DCAF5: variants seen among roughly 807,000 people sequenced by gnomAD.
DCAF5 encodes the protein DDB1 and CUL4 associated factor 5.
A neutral mutation model predicts 80.7 loss-of-function variants in DCAF5; 9 were observed. The ratio of observed to expected loss-of-function variants is 0.11; its 90% confidence interval spans 0.07 to 0.19. The LOEUF is 0.19. Ranked by LOEUF, DCAF5 falls within the 10% of genes least tolerant of loss-of-function variation. The pLI is 1.00. For missense variants in DCAF5, 842 were observed against 1,205.7 expected (o/e 0.70, Z 4.47); for synonymous variants, 433 against 461.9 (o/e 0.94, Z 0.80).
chr14:69,084,774 C>A, intron 6 of DCAF5: 1 of 1,118,444 alleles, frequency 8.9e-7, no homozygotes, highest in South Asian at 1.3e-5. Context: ...AAGCATACGA[C>A]CACATTCTTC....
At position 69,088,665 on chromosome 14, in the gene DCAF5, G is replaced by A. The variant is rs562643533; in HGVS notation, c.879+3009C>T. ...TCTCATCCATGTTCATTCCTATTAC[G>A]GAAATTCTCAGATTCCTGTCTGGGA... On this transcript the variant is annotated intron_variant, in intron 6 of 8. Transcript: ENST00000341516. 3.9e-5 allele frequency among the ~76,000 whole-genome samples: 6 copies of A among 152,202 alleles called. No individual in the cohort carries two copies. The South Asian group carries it at 1.0e-3, about 26-fold the overall frequency.
At chr14:69,116,748 G>C (rs570427746) in intron 4 of DCAF5, among the ~76,000 whole-genome samples, 20 of 152,188 alleles carry the variant, frequency 1.3e-4, no homozygotes, top group African/African-American at 4.6e-4. Flanking sequence ...GCAGCTATCA[G>C]ATCTTGACAC....
rs563938418 is a variant in DCAF5 at position 69,118,714 on chromosome 14, T to G, written c.396-436A>C. Among the ~76,000 whole-genome samples, 6 of 152,336 alleles carry G rather than the reference T, an allele frequency of 3.9e-5. No individual in the cohort carries two copies. The highest frequency in any genetic ancestry group is 3.9e-4 in the Admixed American group (6 of 15,294). ...TGAAGAGCATGGCTCTGAGGCCAGA[T>G]AGCCTAAGTTCAGGTTTTAGTACCA... On this transcript the variant is annotated intron_variant, in intron 3 of 8. Transcript: ENST00000341516. This position sits in a 1 kb window ranked among gnomAD's most constrained non-coding sequence, Gnocchi z 4.0.
intron 4 of DCAF5, among the ~76,000 whole-genome samples, chr14:69,116,832 G>GA (rs35479584): frequency 1.3e-5 from 2 of 152,096 alleles, no homozygotes; most frequent in African/African-American, 2.4e-5. Context: ...CACATGAGCT[G>GA]AAAAAATTCA....
chr14:69,103,382 T>C (rs561198192), intron 5 of DCAF5, among the ~76,000 whole-genome samples: 49 of 152,372 alleles, frequency 3.2e-4, no homozygotes, highest in African/African-American at 1.1e-3. Context: ...CGTTAGCCTG[T>C]GGACAGTTTT....
chr14:69,128,814 C>T (rs73278990), intron 1 of DCAF5, among the ~76,000 whole-genome samples: 1,630 of 151,982 alleles, frequency 0.011, 34 homozygotes, highest in African/African-American at 0.037. Context: ...TCTGCCAGGC[C>T]CAGTGGCTCA....
At chr14:69,095,169 T>A (rs1476646841) in intron 5 of DCAF5, among the ~76,000 whole-genome samples, 2 of 152,142 alleles carry the variant, frequency 1.3e-5, no homozygotes, top group African/African-American at 2.4e-5. Context: ...GGTGCCTCTA[T>A]ACAAACAAGA....
At chr14:69,149,547 T>C (rs2041641318) in intron 1 of DCAF5, 1 of 152,240 alleles carries the variant, frequency 6.6e-6, no homozygotes. Flanking sequence ...AATAGTACTT[T>C]ACCCAGCCAC....
chr14:69,110,093 T>C (rs2040303218), intron 5 of DCAF5, among the ~76,000 whole-genome samples: 1 of 152,198 alleles, frequency 6.6e-6, no homozygotes, highest in Admixed American at 6.5e-5. Context: ...CAAATGCTTA[T>C]TGGGTATTTG....
chr14:69,068,080 C>A (rs1206402754), intron 7 of DCAF5, among the ~76,000 whole-genome samples: 1 of 152,156 alleles, frequency 6.6e-6, no homozygotes, highest in African/African-American at 2.4e-5. Flanking sequence ...CTCTTCAAGA[C>A]CTCCTTCATT....
rs1232507560 is a variant in DCAF5, at chr14:69,053,876, T to C, written c.2810A>G (p.Glu937Gly). ...EDTDSENSSS[E>G]KKLKT ...TATTTATCATGTTTTTAATTTCTTC[T>C]CTGAGGAGGAATTCTCTGAATCTGT... is the stretch of plus-strand genomic sequence containing the variant. The change falls in exon 9 of 9, where the codon GAG (glutamate) becomes GGG (glycine). Residue 937 changes from glutamate to glycine, a missense_variant. Transcript: ENST00000341516. 1 of 1,604,818 alleles carries C rather than the reference T, an allele frequency of 6.2e-7. No individual in the cohort carries two copies. The highest frequency in any genetic ancestry group is 8.5e-7 in the Non-Finnish European group (1 of 1,178,072).
chr14:69,101,613 T>C (rs1293003260), intron 5 of DCAF5, among the ~76,000 whole-genome samples: 2 of 152,242 alleles, frequency 1.3e-5, no homozygotes, highest in East Asian at 3.8e-4. Flanking sequence ...AATACAGTCA[T>C]GCATCGCTTA....
Position 69,152,448 on chromosome 14 carries a change from A to C in DCAF5, c.214+317T>G. 1 of 272,060 alleles carries C rather than the reference A, an allele frequency of 3.7e-6. No homozygotes were observed. The highest frequency in any genetic ancestry group is 6.6e-5 in the South Asian group (1 of 15,130). The allele number at this position is 272,060 out of a possible 1,614,324, so 16.9% of individuals were successfully genotyped here. A position where few individuals can be genotyped will look rare whatever the true frequency, so the allele number is the denominator to read the frequency against. On this transcript the variant is annotated intron_variant, in intron 1 of 8. Coordinates refer to ENST00000341516, the MANE Select transcript of DCAF5 (RefSeq NM_003861.3). The surrounding 1 kb of genome is among the most constrained non-coding windows in gnomAD (Gnocchi z 4.1). Reference sequence around the variant, plus strand: ...TACGCGGAGGAAGAGTTTGCCGTCAAACTTTGTAGAGCGGTAACCTCGCCC... The same window carrying C: ...TACGCGGAGGAAGAGTTTGCCGTCACACTTTGTAGAGCGGTAACCTCGCCC...
chr14:69,135,821 G>T (rs2041172593), intron 1 of DCAF5, among the ~76,000 whole-genome samples: 1 of 152,180 alleles, frequency 6.6e-6, no homozygotes, highest in Non-Finnish European at 1.5e-5. Flanking sequence ...AATGAAATGT[G>T]TCAAGATTTG....
At chr14:69,057,297 C>T (rs1466422870) in intron 8 of DCAF5, among the ~76,000 whole-genome samples, 1 of 151,824 alleles carries the variant, frequency 6.6e-6, no homozygotes, top group African/African-American at 2.4e-5. Context: ...AATAAAAGAG[C>T]TTGGTGGCTT....
rs143538693 is a variant in DCAF5 at position 69,055,462 on chromosome 14, C to G, written c.1224G>C (p.Ser408=). 2,579 of 1,614,124 alleles carry G rather than the reference C, an allele frequency of 1.6e-3. 69 individuals are homozygous for G. The East Asian group carries it at 0.052, about 33-fold the overall frequency. The change falls in exon 9 of 9, where the codon TCG becomes TCC. Residue 408 remains serine, a synonymous_variant. Transcript: ENST00000341516. This position sits in a 1 kb window ranked among gnomAD's most constrained non-coding sequence, Gnocchi z 5.6. ...CCATCATCCGGGGGTCTTCCTGGAC[C>G]GACTGGTTGGCGTAGTCATGCGACA... ...SGLSHDYANQ[S]VQEDPRMMAF...
chr14:69,147,463 T>C (rs1252253899), intron 1 of DCAF5, among the ~76,000 whole-genome samples: 2 of 152,190 alleles, frequency 1.3e-5, no homozygotes, highest in African/African-American at 4.8e-5. Context: ...TAGGGTATTA[T>C]TATCCTTATT....
At chr14:69,094,798 G>A (rs2039645451) in intron 5 of DCAF5, among the ~76,000 whole-genome samples, 1 of 152,076 alleles carries the variant, frequency 6.6e-6, no homozygotes, top group Non-Finnish European at 1.5e-5. Context: ...AAAAAATGTA[G>A]ATTCTCAGGA....
At chr14:69,094,681 G>C (rs1030703322) in intron 5 of DCAF5, among the ~76,000 whole-genome samples, 3 of 152,254 alleles carry the variant, frequency 2.0e-5, no homozygotes, top group African/African-American at 7.2e-5. Context: ...CTGGTTTGCC[G>C]GGAAGGCAAA....
Sources: allele counts gnomAD v4.1 joint callset (sites outside exome capture counted in the v4.1 genomes callset), GRCh38; gene constraint gnomAD v4.1.1; non-coding constraint Gnocchi (gnomAD v3.1); transcripts MANE v1.5; gene names NCBI Gene and HGNC (gene_info 2026-07-23, HGNC 2026-07-21).